TANC2: variants seen among roughly 807,000 people sequenced by gnomAD.
The protein encoded by TANC2 is tetratricopeptide repeat, ankyrin repeat and coiled-coil containing 2, also known as protein TANC2.
A neutral mutation model predicts 210.5 loss-of-function variants in TANC2; 26 were observed. The observed-to-expected ratio is 0.12, with a 90% CI of 0.09 to 0.17. The LOEUF is 0.17. TANC2 is among the 10% of genes least tolerant of loss of function. TANC2 has a pLI of 1.00. For missense variants in TANC2, 2,129 were observed against 2,608.9 expected (o/e 0.82, Z 4.01); for synonymous variants, 931 against 967.1 (o/e 0.96, Z 0.69).
At chr17:63,232,918 G>A (rs1020990366) in intron 7 of TANC2, among the ~76,000 whole-genome samples, 1 of 152,232 alleles carries the variant, frequency 6.6e-6, no homozygotes, top group Admixed American at 6.5e-5. Context: ...TCCTTCTGGG[G>A]AGATCAGAGT....
chr17:63,009,475 A>G, intron 1 of TANC2, 62 bp from the exon 2 acceptor site: 1 of 1,110,472 alleles, frequency 9.0e-7, no homozygotes, highest in South Asian at 1.4e-5. Flanking sequence ...GACTATAGTC[A>G]CCCTCTTATG....
At chr17:63,258,115 T>C (rs2146207241) in intron 8 of TANC2, among the ~76,000 whole-genome samples, 1 of 152,344 alleles carries the variant, frequency 6.6e-6, no homozygotes, top group East Asian at 1.9e-4. Context: ...AAGGATGTTT[T>C]CCCTGGATAC....
chr17:63,151,345 C>T (rs1290012236), exon 5 of TANC2: 1 of 985,758 alleles, frequency 1.0e-6, no homozygotes, highest in East Asian at 1.1e-4. Flanking sequence ...ACCCTCACTT[C>T]AGCTCAGAAA....
At chr17:63,237,260 T>C (rs1302459896) in intron 7 of TANC2, among the ~76,000 whole-genome samples, 2 of 152,132 alleles carry the variant, frequency 1.3e-5, no homozygotes, top group Non-Finnish European at 2.9e-5. Context: ...TGGCCATTTG[T>C]ATGTCTCCTT....
At chr17:63,187,315 G>A (rs888414151) in intron 5 of TANC2, among the ~76,000 whole-genome samples, 9 of 152,208 alleles carry the variant, frequency 5.9e-5, no homozygotes, top group South Asian at 4.1e-4. Context: ...CTTTATTTTC[G>A]TTATTTGTAA....
Position 63,373,966 on chromosome 17 carries a change from G to A in TANC2, c.2583-5752G>A, listed in dbSNP as rs147760838. Among the ~76,000 whole-genome samples, 167 of 150,690 alleles carry A rather than the reference G, an allele frequency of 1.1e-3. 2 individuals are homozygous for A. The highest frequency in any genetic ancestry group is 3.9e-3 in the African/African-American group (160 of 41,136). Reference sequence around the variant, plus strand: ...ACTGTACTCTGGCCCAGGCAATGGCGTGAGACTCTGTCTCAAAAAATAATT... The same window carrying A: ...ACTGTACTCTGGCCCAGGCAATGGCATGAGACTCTGTCTCAAAAAATAATT... On this transcript the variant is annotated intron_variant, in intron 14 of 27. Transcript: ENST00000689528.
intron 5 of TANC2, among the ~76,000 whole-genome samples, chr17:63,172,411 A>T (rs2040436144): frequency 7.3e-5 from 11 of 151,648 alleles, no homozygotes; most frequent in Admixed American, 7.2e-4. Context: ...TGAACTCCTG[A>T]CCTCAGGTGA....
At chr17:63,153,335 C>T (rs1251903362) in intron 5 of TANC2, 1 of 152,122 alleles carries the variant, frequency 6.6e-6, no homozygotes, top group Non-Finnish European at 1.5e-5. Context: ...CAGAGTAATA[C>T]AGTTAAGGCT....
chr17:63,039,741 A>T (rs1050614525), intron 2 of TANC2, among the ~76,000 whole-genome samples: 2 of 152,214 alleles, frequency 1.3e-5, no homozygotes, highest in Non-Finnish European at 2.9e-5. Flanking sequence ...AGATGTCTTC[A>T]GCTGTTTTAA....
rs746202328 is a variant in TANC2 at position 63,421,258 on chromosome 17, C to A, written c.5528C>A (p.Pro1843His). Residue 1843 changes from proline to histidine, a missense_variant, in exon 28 of 28, where the codon CCT (proline) becomes CAT (histidine). Pro to His is a moderately conservative substitution (Grantham distance 77). Coordinates refer to ENST00000689528, the Ensembl canonical transcript of TANC2. This position sits in a 1 kb window ranked among gnomAD's most constrained non-coding sequence, Gnocchi z 6.9. ...ATCAGAAGACCTATCAGTGTCAACC[C>A]TAACGAAATCAAACCGCACCCGCCA... 1.1e-5 allele frequency: 17 copies of A among 1,613,892 alleles called. No homozygotes were observed. The East Asian group carries it at 1.6e-4, about 15-fold the overall frequency.
At chr17:63,325,022 C>T (rs1265540209) in intron 11 of TANC2, among the ~76,000 whole-genome samples, 2 of 144,032 alleles carry the variant, frequency 1.4e-5, no homozygotes, top group East Asian at 2.0e-4. Flanking sequence ...CTCTGCTTTT[C>T]CCAGGACCGG....
chr17:62,989,763 C>T (rs1039392234), intron 1 of TANC2, among the ~76,000 whole-genome samples: 6 of 145,022 alleles, frequency 4.1e-5, no homozygotes, highest in African/African-American at 1.6e-4. Context: ...ATAAAAAACA[C>T]ATGCTTTTTT....
intron 2 of TANC2, among the ~76,000 whole-genome samples, chr17:63,033,659 GA>G (rs1350402069): frequency 6.6e-6 from 1 of 152,056 alleles, no homozygotes; most frequent in African/African-American, 2.4e-5. Context: ...GTTTATAAAG[GA>G]AGTTTCTGGG....
intron 11 of TANC2, chr17:63,332,081 T>C: frequency 5.9e-6 from 2 of 337,508 alleles, no homozygotes; most frequent in Non-Finnish European, 1.2e-5. Flanking sequence ...CCTGAATAAT[T>C]TCATCCTCCC....
At chr17:63,326,749 A>AAC (rs1567917692) in intron 11 of TANC2, among the ~76,000 whole-genome samples, 1 of 150,698 alleles carries the variant, frequency 6.6e-6, no homozygotes, top group Non-Finnish European at 1.5e-5. Context: ...ACAACAACAA[A>AAC]AAAAAAACTT....
At chr17:63,038,935 T>C (rs1052781362) in intron 2 of TANC2, among the ~76,000 whole-genome samples, 1 of 152,162 alleles carries the variant, frequency 6.6e-6, no homozygotes, top group Non-Finnish European at 1.5e-5. Context: ...AGTGTATGTG[T>C]TTGAAGTTTA....
At chr17:63,174,019 C>T (rs567241738) in intron 5 of TANC2, among the ~76,000 whole-genome samples, 24 of 152,310 alleles carry the variant, frequency 1.6e-4, no homozygotes, top group Admixed American at 5.2e-4. Flanking sequence ...CCTTAGCATC[C>T]TCCCCTACAG....
chr17:62,972,208 T>A (rs1416464918), intron 1 of TANC2, among the ~76,000 whole-genome samples: 1 of 152,174 alleles, frequency 6.6e-6, no homozygotes, highest in East Asian at 1.9e-4. Flanking sequence ...AAAGCTGTGT[T>A]TGTGGATATG....
At chr17:63,008,168 C>G (rs550907519) in intron 1 of TANC2, among the ~76,000 whole-genome samples, 1 of 151,888 alleles carries the variant, frequency 6.6e-6, no homozygotes, top group Admixed American at 6.6e-5. Context: ...CAGTGTTTTT[C>G]TTTGTGGTTA....
Sources: allele counts gnomAD v4.1 joint callset (sites outside exome capture counted in the v4.1 genomes callset), GRCh38; gene constraint gnomAD v4.1.1; non-coding constraint Gnocchi (gnomAD v3.1); transcripts MANE v1.5; gene names NCBI Gene and HGNC (gene_info 2026-07-23, HGNC 2026-07-21).